LYPLA1: variants seen among roughly 807,000 people sequenced by gnomAD.
LYPLA1 encodes lysophospholipase 1.
A neutral mutation model predicts 34.0 loss-of-function variants in LYPLA1; 17 were observed. That is an observed-to-expected ratio of 0.50 (90% CI 0.34 to 0.75). The LOEUF is 0.75. Ranked by LOEUF, LYPLA1 falls within the 30% of genes least tolerant of loss-of-function variation. LYPLA1 has a pLI of 0.01. For missense variants in LYPLA1, 203 were observed against 288.8 expected (o/e 0.70, Z 2.15); for synonymous variants, 98 against 100.8 (o/e 0.97, Z 0.17).
At chr8:54,077,582 G>T (rs767211067) in intron 2 of LYPLA1, among the ~76,000 whole-genome samples, 28 of 152,120 alleles carry the variant, frequency 1.8e-4, no homozygotes, top group Non-Finnish European at 3.2e-4. Context: ...GATCACTTGA[G>T]GTCAGGAGAT....
At chr8:54,071,482 T>C (rs1807461638) in intron 2 of LYPLA1, among the ~76,000 whole-genome samples, 1 of 152,106 alleles carries the variant, frequency 6.6e-6, no homozygotes, top group South Asian at 2.1e-4. Context: ...TACATATATA[T>C]ACAGGGTGGG....
intron 2 of LYPLA1, among the ~76,000 whole-genome samples, chr8:54,078,909 T>C: frequency 6.6e-6 from 1 of 152,126 alleles, no homozygotes. Context: ...TTTTTATGTT[T>C]AACACTTTAT....
intron 2 of LYPLA1, among the ~76,000 whole-genome samples, chr8:54,074,542 T>C (rs568625535): frequency 6.6e-6 from 1 of 152,342 alleles, no homozygotes; most frequent in South Asian, 2.1e-4. Context: ...TCCAGGACCT[T>C]TGAAAGGAAT....
chr8:54,099,989 G>GGTTCATTTTA (rs1214466530), intron 2 of LYPLA1, among the ~76,000 whole-genome samples: 4 of 151,878 alleles, frequency 2.6e-5, no homozygotes, highest in African/African-American at 9.7e-5. Context: ...CGGCCCCAAT[G>GGTTCATTTTA]GTTCATTTTA....
chr8:54,062,535 G>A (rs965034448), intron 4 of LYPLA1, among the ~76,000 whole-genome samples: 3 of 120,430 alleles, frequency 2.5e-5, no homozygotes, highest in South Asian at 3.8e-4. Context: ...TTTTTGAGAC[G>A]AAGTCTCACT....
chr8:54,068,400 TAAC>T (rs1358107960), intron 2 of LYPLA1, among the ~76,000 whole-genome samples: 4 of 152,064 alleles, frequency 2.6e-5, no homozygotes, highest in Admixed American at 6.6e-5. Context: ...AGACCCAGAA[TAAC>T]AACAACAACA....
chr8:54,101,041 G>T, intron 1 of LYPLA1, 102 bp from the exon 2 acceptor site: 1 of 982,280 alleles, frequency 1.0e-6, no homozygotes, highest in Non-Finnish European at 1.6e-6. Context: ...CGAAACCTAC[G>T]AGAGAATTAC....
chr8:54,071,864 C>T (rs1807496886), intron 2 of LYPLA1, among the ~76,000 whole-genome samples: 1 of 152,104 alleles, frequency 6.6e-6, no homozygotes, highest in Non-Finnish European at 1.5e-5. Flanking sequence ...TGACATTCTT[C>T]ACGGAATTAG....
intron 2 of LYPLA1, among the ~76,000 whole-genome samples, chr8:54,089,706 C>T (rs1243757692): frequency 6.6e-6 from 1 of 151,852 alleles, no homozygotes; most frequent in Non-Finnish European, 1.5e-5. Context: ...TCACTGCAGC[C>T]TCGACCTCCC....
At position 54,073,410 on chromosome 8, in the gene LYPLA1, C is replaced by T. The variant is rs1385377580; in HGVS notation, c.102-7597G>A. 5 of 776,594 alleles carry T rather than the reference C, an allele frequency of 6.4e-6. No homozygotes were observed. In the East Asian group the frequency reaches 7.3e-5, roughly 11 times the overall value. The allele number at this position is 776,594 out of a possible 1,614,324, so 48.1% of individuals were successfully genotyped here. ...AGTGTTCCATTTGTAAATGCTGGCA[C>T]GGCCAGCTCCGCTGCTTTCCTCAGC... On this transcript the variant is annotated intron_variant, in intron 2 of 8. Coordinates refer to ENST00000316963, the MANE Select transcript of LYPLA1 (RefSeq NM_006330.4).
intron 2 of LYPLA1, among the ~76,000 whole-genome samples, chr8:54,097,925 G>A (rs1809815878): frequency 6.6e-6 from 1 of 152,168 alleles, no homozygotes; most frequent in East Asian, 1.9e-4. Flanking sequence ...AGGCTTATTT[G>A]GATAAAAGCA....
intron 3 of LYPLA1, among the ~76,000 whole-genome samples, chr8:54,065,031 C>T (rs1714559332): frequency 6.6e-6 from 1 of 152,066 alleles, no homozygotes; most frequent in Non-Finnish European, 1.5e-5. Flanking sequence ...CAAAACAATA[C>T]CTATCATATT....
intron 2 of LYPLA1, among the ~76,000 whole-genome samples, chr8:54,094,185 A>C (rs952342172): frequency 1.2e-4 from 18 of 152,222 alleles, no homozygotes; most frequent in African/African-American, 3.9e-4. Flanking sequence ...GAAATGTCAC[A>C]GGGACTGGTA....
At chr8:54,073,759 G>C (rs538138225) in intron 2 of LYPLA1, among the ~76,000 whole-genome samples, 4 of 152,106 alleles carry the variant, frequency 2.6e-5, no homozygotes, top group African/African-American at 9.6e-5. Flanking sequence ...TCTTTGCCCT[G>C]CCCTCCCCCA....
Position 54,046,468 on chromosome 8 carries a change from C to G in LYPLA1, c.*1597G>C, listed in dbSNP as rs1805493913. The G allele has an allele frequency of 2.0e-5, 3 of 152,566 alleles. 1 individual carries two copies. In the South Asian group the frequency reaches 6.2e-4, roughly 32 times the overall value. The allele number at this position is 152,566 out of a possible 1,614,324, so 9.5% of individuals were successfully genotyped here. On this transcript the variant is annotated 3_prime_UTR_variant, in exon 9 of 9. Transcript: ENST00000316963. ...AGCACAATATTTCAATGGAATATTT[C>G]TTGCCATAAATAATATCTTGCTGAT... is the stretch of plus-strand genomic sequence containing the variant.
intron 3 of LYPLA1, among the ~76,000 whole-genome samples, chr8:54,063,792 A>G (rs1806838681): frequency 6.6e-6 from 1 of 152,210 alleles, no homozygotes; most frequent in Non-Finnish European, 1.5e-5. Flanking sequence ...CACTTTTCCT[A>G]ATTTTCTAGT....
At chr8:54,073,567 T>A in intron 2 of LYPLA1, 3 of 609,578 alleles carry the variant, frequency 4.9e-6, no homozygotes, top group East Asian at 2.8e-5. Flanking sequence ...AAGTTACTAT[T>A]AATCGACACT....
chr8:54,065,300 A>T (rs1486702390), intron 3 of LYPLA1, among the ~76,000 whole-genome samples: 3 of 151,978 alleles, frequency 2.0e-5, no homozygotes, highest in Non-Finnish European at 4.4e-5. Flanking sequence ...TCTACTAAAC[A>T]TACAAAAATT....
intron 2 of LYPLA1, among the ~76,000 whole-genome samples, chr8:54,091,786 C>T (rs1012291591): frequency 3.9e-5 from 6 of 152,204 alleles, no homozygotes; most frequent in African/African-American, 1.2e-4. Context: ...CCAATGAGAA[C>T]TTGTTAGAAA....
Sources: gnomAD v4.1 joint callset for allele counts (sites outside exome capture counted in the v4.1 genomes callset) on GRCh38, gnomAD v4.1.1 for gene constraint, MANE v1.5 for transcripts, NCBI Gene and HGNC (gene_info 2026-07-23, HGNC 2026-07-21) for gene names.